Variants in PRDM5 observed in about 807,000 individuals in gnomAD.
PRDM5 encodes PR domain zinc finger protein 5.
In PRDM5, 56 loss-of-function variants were observed where a neutral mutation model predicts 81.2. The observed-to-expected ratio is 0.69, with a 90% CI of 0.56 to 0.86. The LOEUF is 0.86. PRDM5 is among the 40% of genes least tolerant of loss of function. PRDM5 has a pLI of 0.00. For missense variants in PRDM5, 697 were observed against 770.1 expected (o/e 0.91, Z 1.12); for synonymous variants, 267 against 256.4 (o/e 1.04, Z -0.39).
At chr4:120,909,090 T>C (rs1326628577) in intron 1 of PRDM5, among the ~76,000 whole-genome samples, 1 of 152,216 alleles carries the variant, frequency 6.6e-6, no homozygotes, top group Non-Finnish European at 1.5e-5. Flanking sequence ...AGTTTCCCCA[T>C]TTAACAACTA....
intron 8 of PRDM5, among the ~76,000 whole-genome samples, chr4:120,809,822 A>G (rs1044833421): frequency 9.2e-5 from 14 of 152,322 alleles, no homozygotes; most frequent in Non-Finnish European, 1.6e-4. Context: ...TATGGCTGAA[A>G]TGGAGGAAGG....
At chr4:120,780,546 T>TA (rs992033769) in intron 12 of PRDM5, among the ~76,000 whole-genome samples, 1 of 152,122 alleles carries the variant, frequency 6.6e-6, no homozygotes, top group African/African-American at 2.4e-5. Flanking sequence ...ATTGAGCACG[T>TA]AAAAAATAAA....
chr4:120,880,978 T>C (rs180873883), intron 2 of PRDM5, among the ~76,000 whole-genome samples: 8 of 152,176 alleles, frequency 5.3e-5, no homozygotes, highest in African/African-American at 1.7e-4. Flanking sequence ...ATTATCAACA[T>C]AGCATTCATC....
intron 1 of PRDM5, among the ~76,000 whole-genome samples, chr4:120,907,831 TTTCATATGTTTCAATCCTC>T (rs1479612817): frequency 6.6e-6 from 1 of 152,242 alleles, no homozygotes; most frequent in African/African-American, 2.4e-5. Context: ...GGACATTGTA[TTTCATATGTTTCAATCCTC>T]TTCATAGCCT....
chr4:120,780,671 TG>T (rs1268739590), intron 12 of PRDM5, among the ~76,000 whole-genome samples: 22 of 152,264 alleles, frequency 1.4e-4, no homozygotes, highest in African/African-American at 4.6e-4. Flanking sequence ...GTCCCCATTC[TG>T]TACCAGAAAC....
intron 2 of PRDM5, among the ~76,000 whole-genome samples, chr4:120,904,990 G>T (rs1164468812): frequency 6.6e-6 from 1 of 151,888 alleles, no homozygotes; most frequent in Non-Finnish European, 1.5e-5. Context: ...GGTTTTTTTG[G>T]TTCACATAAA....
In PRDM5 at chr4:120,817,570, G is replaced by A. The variant is rs116688117; in HGVS notation, c.651-646C>T. 2.0e-3 allele frequency among the ~76,000 whole-genome samples: 299 copies of A among 152,196 alleles called. 1 individual carries two copies. Among genetic ancestry groups the A allele is most frequent in the African/African-American group, 7.0e-3 (289 of 41,554 alleles). The stretch of plus-strand genomic sequence containing the variant: ...AATTTACATTACTTTCATATTGGAA[G>A]TAATTGGCTTCAACACAATGAGAGT... On this transcript the variant is annotated intron_variant, in intron 5 of 15. Transcript: ENST00000264808.
intron 14 of PRDM5, among the ~76,000 whole-genome samples, chr4:120,747,262 C>T (rs1743249424): frequency 7.7e-6 from 1 of 129,850 alleles, no homozygotes; most frequent in South Asian, 2.5e-4. Context: ...GGAAGGGGAA[C>T]ATCACACTCT....
At position 120,912,237 on chromosome 4, in the gene PRDM5, T is replaced by C. The variant is rs1766599498; in HGVS notation, c.94-4680A>G. Among the ~76,000 whole-genome samples the C allele has an allele frequency of 1.3e-5, 2 of 152,076 alleles. 1 individual carries two copies. The highest frequency in any genetic ancestry group is 4.1e-4 in the South Asian group (2 of 4,820). The stretch of plus-strand genomic sequence containing the variant: ...AAACAGGACATTTACAACAGAAAAA[T>C]TACCTTAACCCAATGTTGGCATCAG... On this transcript the variant is annotated intron_variant, in intron 1 of 15. Transcript: ENST00000264808.
chr4:120,818,325 T>G, intron 5 of PRDM5, 28 bp downstream of exon 5: 1 of 1,600,512 alleles, frequency 6.2e-7, no homozygotes, highest in South Asian at 1.1e-5. Context: ...AGCTTATAAT[T>G]TTAAAGATAT....
intron 10 of PRDM5, among the ~76,000 whole-genome samples, chr4:120,789,759 A>T (rs1020415804): frequency 2.0e-5 from 3 of 152,222 alleles, no homozygotes; most frequent in Non-Finnish European, 2.9e-5. Context: ...TCCTCACAAA[A>T]TAAATTGAAA....
intron 14 of PRDM5, among the ~76,000 whole-genome samples, chr4:120,748,822 C>T (rs572168466): frequency 3.3e-5 from 5 of 152,092 alleles, no homozygotes; most frequent in South Asian, 2.1e-4. Flanking sequence ...TGCCTGAGGC[C>T]GCCAGGGTCT....
intron 8 of PRDM5, among the ~76,000 whole-genome samples, chr4:120,806,950 T>C (rs1296538112): frequency 6.6e-6 from 1 of 152,092 alleles, no homozygotes; most frequent in East Asian, 1.9e-4. Context: ...AATCTACTCA[T>C]CTGACAAAGG....
intron 10 of PRDM5, among the ~76,000 whole-genome samples, chr4:120,791,958 C>T (rs1333417214): frequency 6.6e-6 from 1 of 152,134 alleles, no homozygotes; most frequent in Non-Finnish European, 1.5e-5. Flanking sequence ...ACCAGATTTG[C>T]CAGCACCTTG....
chr4:120,916,863 A>G (rs1418230969), intron 1 of PRDM5, among the ~76,000 whole-genome samples: 1 of 152,184 alleles, frequency 6.6e-6, no homozygotes, highest in Non-Finnish European at 1.5e-5. Flanking sequence ...CCACACTACC[A>G]AAGTAGCCAC....
chr4:120,766,086 A>G, intron 13 of PRDM5, among the ~76,000 whole-genome samples: 1 of 151,708 alleles, frequency 6.6e-6, no homozygotes, highest in East Asian at 1.9e-4. Flanking sequence ...CAGCCTCATG[A>G]GTAGCTGGGA....
chr4:120,875,370 C>A (rs190413892), intron 2 of PRDM5, among the ~76,000 whole-genome samples: 3 of 152,130 alleles, frequency 2.0e-5, no homozygotes, highest in East Asian at 1.9e-4. Context: ...AAGGAGCCAG[C>A]AGCCTCTGTC....
intron 13 of PRDM5, among the ~76,000 whole-genome samples, chr4:120,758,029 C>G (rs1242139407): frequency 6.6e-6 from 1 of 152,080 alleles, no homozygotes; most frequent in Non-Finnish European, 1.5e-5. Flanking sequence ...TCAACAAACC[C>G]CTGCTCCTGG....
In PRDM5 at chr4:120,737,765, T is replaced by G. The variant is rs542046745; in HGVS notation, c.1623+16788A>C. On this transcript the variant is annotated intron_variant, in intron 14 of 15. Coordinates refer to ENST00000264808, the MANE Select transcript of PRDM5 (RefSeq NM_018699.4). ...GAAGGTAGAGACAATGTCTGATTTG[T>G]GTACTGCTATAGTCCCAGCTCTTAG... Among the ~76,000 whole-genome samples the G allele has an allele frequency of 8.1e-4, 123 of 152,362 alleles. 1 individual carries two copies. Among genetic ancestry groups the G allele is most frequent in the African/African-American group, 2.8e-3 (116 of 41,580 alleles).
Sources: allele counts gnomAD v4.1 joint callset (sites outside exome capture counted in the v4.1 genomes callset), GRCh38; gene constraint gnomAD v4.1.1; transcripts MANE v1.5; gene names NCBI Gene and HGNC (gene_info 2026-07-23, HGNC 2026-07-21).